Variants in JAKMIP1 observed in about 807,000 individuals in gnomAD.
The protein encoded by JAKMIP1 is janus kinase and microtubule interacting protein 1.
JAKMIP1 carries 33 observed loss-of-function variants against 113.0 expected under a neutral mutation model. That is an observed-to-expected ratio of 0.29 (90% CI 0.22 to 0.39). The LOEUF is 0.39. Ranked by LOEUF, JAKMIP1 falls within the 10% of genes least tolerant of loss-of-function variation. The pLI is 1.00. For synonymous variants in JAKMIP1, 480 were observed against 459.9 expected (o/e 1.04, Z -0.56); for missense variants, 813 against 1,080.5 (o/e 0.75, Z 3.47).
chr4:6,086,920 G>C lies in JAKMIP1; in HGVS notation c.625-1291C>G, dbSNP rs1048613413. ...CAGCCAGCAACACCAGCATCAGGAA[G>C]AGGCTGGGAAAGATCCTCTTCCACA... On this transcript the variant is annotated intron_variant, in intron 3 of 20. Coordinates refer to ENST00000409021, the MANE Select transcript of JAKMIP1 (RefSeq NM_001099433.2). This position sits in a 1 kb window ranked among gnomAD's most constrained non-coding sequence, Gnocchi z 4.1. Among the ~76,000 whole-genome samples the C allele has an allele frequency of 6.6e-6, 1 of 152,144 alleles. No homozygotes were observed. The highest frequency in any genetic ancestry group is 1.5e-5 in the Non-Finnish European group (1 of 68,026).
rs924843937 is a variant in JAKMIP1 at position 6,042,494 on chromosome 4, G to C, written c.2029-267C>G. The stretch of plus-strand genomic sequence containing the variant: ...ATTCAGAGCCTGGATGGACCCGAGT[G>C]TGGGCGGCTGCGAGTGTGTGCAGCA... On this transcript the variant is annotated intron_variant, in intron 16 of 20. Transcript: ENST00000409021. The surrounding 1 kb of genome is among the most constrained non-coding windows in gnomAD (Gnocchi z 5.2). Among the ~76,000 whole-genome samples, 3 of 152,106 alleles carry C rather than the reference G, an allele frequency of 2.0e-5. No homozygotes were observed. Among genetic ancestry groups the C allele is most frequent in the African/African-American group, 7.2e-5 (3 of 41,422 alleles).
chr4:6,043,743 A>G (rs1288247297), intron 16 of JAKMIP1, among the ~76,000 whole-genome samples: 1 of 127,582 alleles, frequency 7.8e-6, no homozygotes, highest in African/African-American at 3.1e-5. Flanking sequence ...ACACACCCCA[A>G]ATTCCTTTCT....
At chr4:6,085,695 T>C (rs1227162776) in intron 3 of JAKMIP1, 66 bp from the exon 4 acceptor site, 38 of 1,493,780 alleles carry the variant, frequency 2.5e-5, no homozygotes, top group Admixed American at 1.0e-4. Context: ...TCTCCCCAAA[T>C]TGGGGCCTTC....
intron 20 of JAKMIP1, among the ~76,000 whole-genome samples, chr4:6,028,179 C>T (rs981368710): frequency 3.9e-5 from 6 of 152,236 alleles, no homozygotes; most frequent in South Asian, 2.1e-4. Flanking sequence ...CATCTATCTG[C>T]GAAACCAGCT....
At chr4:6,068,557 A>AC (rs1310056051) in intron 8 of JAKMIP1, among the ~76,000 whole-genome samples, 1 of 87,830 alleles carries the variant, frequency 1.1e-5, no homozygotes, top group Admixed American at 1.8e-4. Flanking sequence ...AAATTTTTTA[A>AC]CTTTTTTTTT....
chr4:6,033,101 C>T (rs947273363), intron 19 of JAKMIP1, among the ~76,000 whole-genome samples: 14 of 152,234 alleles, frequency 9.2e-5, no homozygotes, highest in African/African-American at 3.1e-4. Flanking sequence ...AGAATCATTC[C>T]GCTGGGAAAG....
chr4:6,040,580 A>G lies in JAKMIP1; in HGVS notation c.2175+59T>C. ...AATGCAGTTTCAGCCCCAGAGGAAA[A>G]AGCAGCCTCTAATGTGGAGTCTAAG... On this transcript the variant is annotated intron_variant, in intron 18 of 20. Coordinates refer to ENST00000409021, the MANE Select transcript of JAKMIP1 (RefSeq NM_001099433.2). This position sits in a 1 kb window ranked among gnomAD's most constrained non-coding sequence, Gnocchi z 5.8. The G allele has an allele frequency of 7.8e-7, 1 of 1,277,558 alleles. No homozygotes were observed. The highest frequency in any genetic ancestry group is 1.1e-6 in the Non-Finnish European group (1 of 880,432). The allele number at this position is 1,277,558 out of a possible 1,614,324, so 79.1% of individuals were successfully genotyped here.
At position 6,061,089 on chromosome 4, in the gene JAKMIP1, A is replaced by C. The variant is rs1333985638; in HGVS notation, c.1561-582T>G. Among the ~76,000 whole-genome samples, 1 of 152,268 alleles carries C rather than the reference A, an allele frequency of 6.6e-6. No homozygotes were observed. Among genetic ancestry groups the C allele is most frequent in the Non-Finnish European group, 1.5e-5 (1 of 68,050 alleles). ...GGCACACGTCCCATCTCAGGGAGAC[A>C]CTGCTACCCAGCAGCAGCCACAAGA... On this transcript the variant is annotated intron_variant, in intron 10 of 20. Coordinates refer to ENST00000409021, the MANE Select transcript of JAKMIP1 (RefSeq NM_001099433.2). This position sits in a 1 kb window ranked among gnomAD's most constrained non-coding sequence, Gnocchi z 5.3.
At chr4:6,063,049 G>A (rs1349647167) in intron 9 of JAKMIP1, among the ~76,000 whole-genome samples, 2 of 152,164 alleles carry the variant, frequency 1.3e-5, no homozygotes, top group Non-Finnish European at 2.9e-5. Context: ...GGCTGAGGCA[G>A]GAGAATTCCT....
In JAKMIP1 at chr4:6,139,770, T is replaced by TATAAAATAAAATAAAATAAA. The variant is rs74997830; in HGVS notation, c.-147-26793_-147-26774dup. On this transcript the variant is annotated intron_variant, in intron 1 of 20. Coordinates refer to ENST00000409021, the MANE Select transcript of JAKMIP1 (RefSeq NM_001099433.2). The surrounding 1 kb of genome is among the most constrained non-coding windows in gnomAD (Gnocchi z 5.2). The stretch of plus-strand genomic sequence containing the variant: ...GACAGAGTGAGACTCCATCTCAAAA[T>TATAAAATAAAATAAAATAAA]ATAAAATAAAATAAAATAAAATAAA... Among the ~76,000 whole-genome samples, 449 of 148,014 alleles carry TATAAAATAAAATAAAATAAA rather than the reference T, an allele frequency of 3.0e-3. 1 individual carries two copies. Among genetic ancestry groups the TATAAAATAAAATAAAATAAA allele is most frequent in the African/African-American group, 0.011 (432 of 39,850 alleles).
At chr4:6,144,641 A>G (rs981739252) in intron 1 of JAKMIP1, among the ~76,000 whole-genome samples, 1 of 152,252 alleles carries the variant, frequency 6.6e-6, no homozygotes, top group African/African-American at 2.4e-5. Context: ...ATGACCAGTA[A>G]ATAGGTACAA....
At chr4:6,055,637 G>A (rs1032739001) in intron 12 of JAKMIP1, among the ~76,000 whole-genome samples, 3 of 152,222 alleles carry the variant, frequency 2.0e-5, no homozygotes, top group Non-Finnish European at 4.4e-5. Flanking sequence ...TCAGGAAGAT[G>A]GACCAGCCCA....
rs1284230309 is a variant in JAKMIP1 at position 6,192,003 on chromosome 4, G to A, written c.-148+8250C>T. Among the ~76,000 whole-genome samples, 1 of 151,490 alleles carries A rather than the reference G, an allele frequency of 6.6e-6. No individual in the cohort carries two copies. Among genetic ancestry groups the A allele is most frequent in the Non-Finnish European group, 1.5e-5 (1 of 67,976 alleles). ...GCTGGAGTGCAATGGCCCAATCTTGGCTCATTACAACCTCCGCCTCCCGGG... is the reference window on the plus strand; with the variant it reads ...GCTGGAGTGCAATGGCCCAATCTTGACTCATTACAACCTCCGCCTCCCGGG... On this transcript the variant is annotated intron_variant, in intron 1 of 20. Coordinates refer to ENST00000409021, the MANE Select transcript of JAKMIP1 (RefSeq NM_001099433.2). This position sits in a 1 kb window ranked among gnomAD's most constrained non-coding sequence, Gnocchi z 5.0.
In JAKMIP1 at chr4:6,084,736, A is replaced by G. The variant is rs1260793519; in HGVS notation, c.954+110T>C. ...CGAAAAGAAGTAAGAAGGAAAGTTC[A>G]GAGAACCAGAAGGCTTCTGCATTAA... On this transcript the variant is annotated intron_variant, in intron 5 of 20. Transcript: ENST00000409021. 36 of 1,151,750 alleles carry G rather than the reference A, an allele frequency of 3.1e-5. No individual in the cohort carries two copies. The South Asian group carries it at 6.8e-4, about 22-fold the overall frequency. 71.3% of individuals were successfully genotyped at this position (1,151,750 alleles called of 1,614,324 possible). A position where few individuals can be genotyped will look rare whatever the true frequency, so the allele number is the denominator to read the frequency against.
At chr4:6,170,003 CCA>C (rs1724191379) in intron 1 of JAKMIP1, among the ~76,000 whole-genome samples, 1 of 142,722 alleles carries the variant, frequency 7.0e-6, no homozygotes. Flanking sequence ...ACCACCACCA[CCA>C]CCACCCTCAC....
chr4:6,181,897 C>T lies in JAKMIP1; in HGVS notation c.-148+18356G>A, dbSNP rs1462120285. On this transcript the variant is annotated intron_variant, in intron 1 of 20. Transcript: ENST00000409021. This position sits in a 1 kb window ranked among gnomAD's most constrained non-coding sequence, Gnocchi z 5.4. Reference sequence around the variant, plus strand: ...AGACAGATGTACAGGGAGGGACCCGCCCTGGCCTTGGGAGGATGGGTGATG... The same window carrying T: ...AGACAGATGTACAGGGAGGGACCCGTCCTGGCCTTGGGAGGATGGGTGATG... Among the ~76,000 whole-genome samples the T allele has an allele frequency of 6.6e-6, 1 of 152,064 alleles. No individual in the cohort carries two copies. Among genetic ancestry groups the T allele is most frequent in the African/African-American group, 2.4e-5 (1 of 41,400 alleles).
chr4:6,048,076 T>C (rs934256034), intron 16 of JAKMIP1, among the ~76,000 whole-genome samples: 1 of 151,946 alleles, frequency 6.6e-6, no homozygotes, highest in Non-Finnish European at 1.5e-5. Flanking sequence ...GAGAAGAAAA[T>C]AGATAATACA....
chr4:6,131,972 A>G (rs1461494978), intron 1 of JAKMIP1, among the ~76,000 whole-genome samples: 1 of 152,248 alleles, frequency 6.6e-6, no homozygotes, highest in African/African-American at 2.4e-5. Flanking sequence ...TTCAGAGTTG[A>G]GGGAAAATGA....
In JAKMIP1 at chr4:6,042,441, T is replaced by G. The variant is rs1378962385; in HGVS notation, c.2029-214A>C. Among the ~76,000 whole-genome samples, 1 of 151,816 alleles carries G rather than the reference T, an allele frequency of 6.6e-6. No homozygotes were observed. ...ATGTGCAGGAGGTCTTAGGTGTGAG[T>G]GTGACATGTACGTGGTGTGGAAGCT... On this transcript the variant is annotated intron_variant, in intron 16 of 20. Transcript: ENST00000409021. This position sits in a 1 kb window ranked among gnomAD's most constrained non-coding sequence, Gnocchi z 5.2.
Sources: gnomAD v4.1 joint callset for allele counts (sites outside exome capture counted in the v4.1 genomes callset) on GRCh38, gnomAD v4.1.1 for gene constraint, Gnocchi (gnomAD v3.1) non-coding constraint, MANE v1.5 for transcripts, NCBI Gene and HGNC (gene_info 2026-07-23, HGNC 2026-07-21) for gene names.